The following PDE4D variants were observed in gnomAD, a reference collection of about 807,000 sequenced individuals.
The protein encoded by PDE4D is 3',5'-cyclic-AMP phosphodiesterase 4D.
A neutral mutation model predicts 87.4 loss-of-function variants in PDE4D; 24 were observed. That is an observed-to-expected ratio of 0.27 (90% confidence interval 0.20 to 0.39). The LOEUF is 0.39. PDE4D is among the 10% of genes least tolerant of loss of function. PDE4D has a pLI of 1.00. For missense variants in PDE4D, 714 were observed against 1,041.0 expected, an observed-to-expected ratio of 0.69 and a Z score of 4.32; for synonymous variants, 384 against 383.2, an observed-to-expected ratio of 1.00 and a Z score of -0.02.
intron 1 of PDE4D, among the ~76,000 whole-genome samples, chr5:59,520,849 A>T (rs1171787095): frequency 1.3e-5 from 2 of 151,594 alleles, no homozygotes; most frequent in Admixed American, 6.6e-5. Context: ...CTAATGGAAT[A>T]TGTATATGCA....
chr5:59,720,036 C>G (rs909592634), intron 1 of PDE4D, among the ~76,000 whole-genome samples: 2 of 152,184 alleles, frequency 1.3e-5, no homozygotes, highest in African/African-American at 4.8e-5. Context: ...TCTGTAAATG[C>G]TATGTTTATT....
intron 1 of PDE4D, among the ~76,000 whole-genome samples, chr5:59,844,414 A>C (rs971037713): frequency 6.6e-6 from 1 of 152,090 alleles, no homozygotes; most frequent in Non-Finnish European, 1.5e-5. Flanking sequence ...TTCCCATTTA[A>C]TATTTTACGG....
At chr5:59,136,395 T>C (rs1484614628) in intron 5 of PDE4D, among the ~76,000 whole-genome samples, 3 of 152,198 alleles carry the variant, frequency 2.0e-5, no homozygotes, top group Admixed American at 1.3e-4. Flanking sequence ...TAAGACTTTA[T>C]TCAATGGGTA....
chr5:59,136,808 T>C (rs192002042), intron 5 of PDE4D, among the ~76,000 whole-genome samples: 4 of 152,314 alleles, frequency 2.6e-5, no homozygotes, highest in African/African-American at 9.6e-5. Flanking sequence ...AATGTGCTGG[T>C]CCAAGCTCTT....
At chr5:59,525,245 G>C (rs975738525) in intron 1 of PDE4D, among the ~76,000 whole-genome samples, 2 of 152,236 alleles carry the variant, frequency 1.3e-5, no homozygotes, top group Non-Finnish European at 2.9e-5. Context: ...CTGCCAAAGT[G>C]GTGGGGACCC....
At chr5:59,950,507 C>G (rs531896012) in intron 3 of PDE4D, among the ~76,000 whole-genome samples, 27 of 152,044 alleles carry the variant, frequency 1.8e-4, no homozygotes, top group African/African-American at 6.5e-4. Context: ...CTTTGTGTCT[C>G]TCAAACACAG....
intron 1 of PDE4D, among the ~76,000 whole-genome samples, chr5:59,469,818 G>T (rs1037862739): frequency 2.0e-5 from 3 of 152,158 alleles, no homozygotes; most frequent in Non-Finnish European, 2.9e-5. Context: ...GCAGCTAATA[G>T]AGCTGCCTGA....
intron 1 of PDE4D, among the ~76,000 whole-genome samples, chr5:59,767,079 G>C (rs1400941084): frequency 2.0e-5 from 3 of 152,008 alleles, no homozygotes; most frequent in African/African-American, 4.8e-5. Flanking sequence ...TCCTGAGCAC[G>C]GTCTTGTCAC....
At chr5:59,790,157 T>C (rs908099165) in intron 1 of PDE4D, among the ~76,000 whole-genome samples, 2 of 152,206 alleles carry the variant, frequency 1.3e-5, no homozygotes, top group African/African-American at 2.4e-5. Context: ...TTTAGTGACA[T>C]GTAGAGCCCA....
At chr5:60,315,248 AT>A (rs1260695633) in intron 1 of PDE4D, among the ~76,000 whole-genome samples, 1 of 152,078 alleles carries the variant, frequency 6.6e-6, no homozygotes, top group Non-Finnish European at 1.5e-5. Context: ...GATGATGAGC[AT>A]TTTTTCATGT....
intron 1 of PDE4D, among the ~76,000 whole-genome samples, chr5:59,739,807 T>C (rs1317392232): frequency 2.6e-5 from 4 of 152,032 alleles, no homozygotes; most frequent in Admixed American, 6.6e-5. Context: ...CTTAAAACAA[T>C]TAAAAACAGC....
At chr5:59,059,059 C>T (rs1762758198) in intron 5 of PDE4D, among the ~76,000 whole-genome samples, 1 of 152,156 alleles carries the variant, frequency 6.6e-6, no homozygotes, top group Non-Finnish European at 1.5e-5. Context: ...TCAGAAATCT[C>T]ACTTCATTTA....
chr5:59,223,712 T>C (rs1404534604), intron 1 of PDE4D, among the ~76,000 whole-genome samples: 1 of 152,158 alleles, frequency 6.6e-6, no homozygotes, highest in Admixed American at 6.5e-5. Context: ...AAATTCACCA[T>C]TTTAATATTT....
At chr5:59,712,072 C>A (rs1292392524) in intron 1 of PDE4D, among the ~76,000 whole-genome samples, 1 of 152,022 alleles carries the variant, frequency 6.6e-6, no homozygotes, top group Non-Finnish European at 1.5e-5. Flanking sequence ...CATGGACCTG[C>A]TTTGACAATA....
Position 59,893,623 on chromosome 5 carries a change from C to T in PDE4D, c.-1G>A. ...GCGCGCTGCTGCCCTCTGCCTCCAT[C>T]CTGGCTCGCGGCTCCGCGACCTGCT... On this transcript the variant is annotated 5_prime_UTR_variant, in exon 1 of 15. Coordinates refer to ENST00000340635, the MANE Select transcript of PDE4D (RefSeq NM_001104631.2). 1 of 1,490,136 alleles carries T rather than the reference C, an allele frequency of 6.7e-7. No individual in the cohort carries two copies. Among genetic ancestry groups the T allele is most frequent in the Non-Finnish European group, 8.9e-7 (1 of 1,124,084 alleles). The allele number at this position is 1,490,136 out of a possible 1,614,324, so 92.3% of individuals were successfully genotyped here. A position where few individuals can be genotyped will look rare whatever the true frequency, so the allele number is the denominator to read the frequency against.
chr5:59,903,627 G>T (rs946808393), intron 3 of PDE4D, among the ~76,000 whole-genome samples: 9 of 152,112 alleles, frequency 5.9e-5, no homozygotes, highest in Admixed American at 1.3e-4. Flanking sequence ...CTATGAACCA[G>T]GCATTATTTT....
chr5:60,269,713 C>T (rs1216315315), intron 1 of PDE4D, among the ~76,000 whole-genome samples: 3 of 151,168 alleles, frequency 2.0e-5, no homozygotes, highest in African/African-American at 7.3e-5. Context: ...ATGTTCTTAC[C>T]ACAAAAAAGT....
intron 1 of PDE4D, among the ~76,000 whole-genome samples, chr5:59,891,099 A>G (rs962681283): frequency 2.0e-5 from 3 of 152,248 alleles, no homozygotes; most frequent in African/African-American, 7.2e-5. Flanking sequence ...CAGGTGAGCC[A>G]CAGTGGCAGC....
At chr5:60,248,085 G>A (rs778628211) in intron 1 of PDE4D, among the ~76,000 whole-genome samples, 60 of 152,010 alleles carry the variant, frequency 3.9e-4, no homozygotes, top group Non-Finnish European at 7.2e-4. Context: ...GTGGTGCTAC[G>A]TGCTGTGAAG....
Sources: allele counts gnomAD v4.1 joint callset (sites outside exome capture counted in the v4.1 genomes callset), GRCh38; gene constraint gnomAD v4.1.1; transcripts MANE v1.5; gene names NCBI Gene and HGNC (gene_info 2026-07-23, HGNC 2026-07-21).